Variants in AFG2A observed in about 807,000 individuals in gnomAD.
AFG2A encodes ATPase family gene 2 protein homolog A.
the AFG2A span, among the ~76,000 whole-genome samples, chr4:123,253,423 G>C: frequency 2.0e-5 from 3 of 151,648 alleles, no homozygotes; most frequent in South Asian, 6.3e-4. Flanking sequence ...GGCAGAGGTT[G>C]CAGTGAGCAA....
At chr4:123,215,455 C>T in the AFG2A span, among the ~76,000 whole-genome samples, 3 of 152,118 alleles carry the variant, frequency 2.0e-5, no homozygotes, top group African/African-American at 7.2e-5. Flanking sequence ...TAAAGGAAAT[C>T]CTAGATGTCA....
chr4:123,174,819 T>A, the AFG2A span, among the ~76,000 whole-genome samples: 5 of 143,328 alleles, frequency 3.5e-5, no homozygotes, highest in South Asian at 2.1e-4. Flanking sequence ...TGATCTTTTT[T>A]AAAAAAAATA....
chr4:123,069,147 A>C, the AFG2A span, among the ~76,000 whole-genome samples: 1 of 152,188 alleles, frequency 6.6e-6, no homozygotes, highest in Non-Finnish European at 1.5e-5. Flanking sequence ...ATTAAAGGCC[A>C]ACAAAGGATA....
chr4:122,944,976 T>C, the AFG2A span, among the ~76,000 whole-genome samples: 1 of 152,186 alleles, frequency 6.6e-6, no homozygotes, highest in East Asian at 1.9e-4. Flanking sequence ...CGAATGCTGC[T>C]GTCTGATCGT....
chr4:123,174,748 A>T, the AFG2A span, among the ~76,000 whole-genome samples: 74 of 152,136 alleles, frequency 4.9e-4, no homozygotes, highest in Admixed American at 4.5e-3. Flanking sequence ...GAGAACAAGG[A>T]CTTAAAAGTG....
chr4:123,056,993 T>C, the AFG2A span, among the ~76,000 whole-genome samples: 2 of 152,236 alleles, frequency 1.3e-5, no homozygotes, highest in Non-Finnish European at 2.9e-5. Flanking sequence ...TATGTGAATA[T>C]GTATTGATAG....
chr4:122,977,558 C>T, the AFG2A span, among the ~76,000 whole-genome samples: 1 of 152,246 alleles, frequency 6.6e-6, no homozygotes, highest in Admixed American at 6.5e-5. Context: ...GGTATCACAG[C>T]TCTGATCACA....
At chr4:123,108,102 A>C in the AFG2A span, among the ~76,000 whole-genome samples, 8 of 151,912 alleles carry the variant, frequency 5.3e-5, no homozygotes, top group African/African-American at 1.9e-4. Context: ...AGAGCTTGCA[A>C]CTCTAGCCGC....
At chr4:122,958,742 T>C in the AFG2A span, among the ~76,000 whole-genome samples, 1 of 152,158 alleles carries the variant, frequency 6.6e-6, no homozygotes, top group East Asian at 1.9e-4. Context: ...CTTTGAGAGC[T>C]ATTGACCTAT....
chr4:123,313,795 G>T, the AFG2A span: 2 of 1,211,296 alleles, frequency 1.7e-6, no homozygotes, highest in East Asian at 2.6e-5. Flanking sequence ...AGTTGTAGAA[G>T]GTACCACAGA....
At chr4:123,117,718 A>G in the AFG2A span, among the ~76,000 whole-genome samples, 1 of 150,926 alleles carries the variant, frequency 6.6e-6, no homozygotes, top group South Asian at 2.1e-4. Flanking sequence ...GAGAGGGAGA[A>G]AAAAAAAATG....
chr4:123,054,607 A>G, the AFG2A span, among the ~76,000 whole-genome samples: 3 of 152,004 alleles, frequency 2.0e-5, no homozygotes, highest in Non-Finnish European at 4.4e-5. Context: ...AGTCCCAGCT[A>G]CTTGGAAGGC....
chr4:123,260,405 T>C, the AFG2A span, among the ~76,000 whole-genome samples: 1 of 152,234 alleles, frequency 6.6e-6, no homozygotes, highest in Non-Finnish European at 1.5e-5. Context: ...TCATGCCAGC[T>C]TGACATTTAA....
At chr4:123,061,696 C>G in the AFG2A span, among the ~76,000 whole-genome samples, 1 of 152,328 alleles carries the variant, frequency 6.6e-6, no homozygotes, top group Middle Eastern at 3.4e-3. Flanking sequence ...TTTCCACCCC[C>G]CTCACATTTG....
At chr4:123,221,363 G>A in the AFG2A span, among the ~76,000 whole-genome samples, 1 of 151,948 alleles carries the variant, frequency 6.6e-6, no homozygotes, top group South Asian at 2.1e-4. Flanking sequence ...TGGTCTCATT[G>A]TGTTGCCCAA....
chr4:123,166,939 A>G, the AFG2A span, among the ~76,000 whole-genome samples: 2 of 151,626 alleles, frequency 1.3e-5, no homozygotes, highest in East Asian at 1.9e-4. Flanking sequence ...AAAAGCACAC[A>G]CTCTGGATTT....
chr4:123,024,267 C>G, the AFG2A span, among the ~76,000 whole-genome samples: 1 of 146,914 alleles, frequency 6.8e-6, no homozygotes, highest in Non-Finnish European at 1.5e-5. Flanking sequence ...ATAAAGCAAC[C>G]TGTGGCACAA....
chr4:123,245,316 A>C, the AFG2A span, among the ~76,000 whole-genome samples: 9 of 152,330 alleles, frequency 5.9e-5, no homozygotes, highest in African/African-American at 2.2e-4. Context: ...AATATCTTAA[A>C]ATATGTAAAT....
the AFG2A span, among the ~76,000 whole-genome samples, chr4:123,267,755 T>G: frequency 6.6e-6 from 1 of 152,040 alleles, no homozygotes; most frequent in African/African-American, 2.4e-5. Context: ...TATAATAACT[T>G]GTCTATATTT....
Sources: gnomAD v4.1 joint callset for allele counts (sites outside exome capture counted in the v4.1 genomes callset) on GRCh38, gnomAD v4.1.1 for gene constraint, MANE v1.5 for transcripts, NCBI Gene and HGNC (gene_info 2026-07-23, HGNC 2026-07-21) for gene names.